The following NAV1 variants were observed in gnomAD, a reference collection of about 807,000 sequenced individuals.
The protein encoded by NAV1 is pore membrane and/or filament interacting like protein 3.
In NAV1, 18 loss-of-function variants were observed where a neutral mutation model predicts 175.2. The observed-to-expected ratio is 0.10, with a 90% confidence interval of 0.07 to 0.15. The LOEUF is 0.15. Among genes scored for constraint, NAV1 ranks in the 10% least tolerant of loss-of-function variants. The probability of loss-of-function intolerance (pLI) is 1.00; values close to 1 mark genes in which losing one functional copy is unlikely to be tolerated. For missense variants in NAV1, 1,731 were observed against 2,436.6 expected (o/e 0.71, Z 6.10); for synonymous variants, 897 against 978.7 (o/e 0.92, Z 1.56).
chr1:201,807,229 A>C lies in NAV1; in HGVS notation c.3649-724A>C, dbSNP rs1461233703. On this transcript the variant is annotated intron_variant, in intron 17 of 29. Coordinates refer to ENST00000367296, the Ensembl canonical transcript of NAV1. This position sits in a 1 kb window ranked among gnomAD's most constrained non-coding sequence, Gnocchi z 5.4. Reference sequence around the variant, plus strand: ...AAGTACTCTAAAGAAATGCTGGGAAATAGCCCTTCTTCTAGGACATTGGAA... The same window carrying C: ...AAGTACTCTAAAGAAATGCTGGGAACTAGCCCTTCTTCTAGGACATTGGAA... 1.3e-5 allele frequency among the ~76,000 whole-genome samples: 2 copies of C among 152,208 alleles called. No homozygotes were observed. The highest frequency in any genetic ancestry group is 2.9e-5 in the Non-Finnish European group (2 of 68,036).
At chr1:201,775,411 A>G (rs1002380989) in intron 3 of NAV1, among the ~76,000 whole-genome samples, 2 of 152,232 alleles carry the variant, frequency 1.3e-5, no homozygotes, top group Non-Finnish European at 2.9e-5. Context: ...AACCCATGAG[A>G]AAAAACTTAA....
chr1:201,721,051 T>C lies in NAV1; in HGVS notation c.1226+2296T>C, dbSNP rs146092101. Among the ~76,000 whole-genome samples the C allele has an allele frequency of 2.9e-3, 445 of 152,250 alleles. 4 individuals are homozygous for C. Among genetic ancestry groups the C allele is most frequent in the Non-Finnish European group, 3.5e-3 (239 of 68,006 alleles). On this transcript the variant is annotated intron_variant, in intron 3 of 29. Transcript: ENST00000367296. The stretch of plus-strand genomic sequence containing the variant: ...TATCCTCCTTCCTCTGGACAGGATG[T>C]GTGTTCCCGAATCCATTTTTTAAAA...
intron 3 of NAV1, among the ~76,000 whole-genome samples, chr1:201,747,941 C>T (rs1206457399): frequency 2.6e-5 from 4 of 152,174 alleles, no homozygotes; most frequent in African/African-American, 4.8e-5. Flanking sequence ...GAGCTCCTTA[C>T]GTCAACCCCA....
intron 2 of NAV1, among the ~76,000 whole-genome samples, chr1:201,605,951 G>T (rs563249967): frequency 3.3e-5 from 5 of 152,344 alleles, no homozygotes; most frequent in African/African-American, 1.2e-4. Context: ...TGCCTAGAGG[G>T]AGACTGCAGG....
intron 2 of NAV1, among the ~76,000 whole-genome samples, chr1:201,630,006 A>G (rs1421276750): frequency 6.6e-6 from 1 of 152,198 alleles, no homozygotes; most frequent in Non-Finnish European, 1.5e-5. Flanking sequence ...TGTGAGATTC[A>G]CCAGGAAGAT....
intron 7 of NAV1, among the ~76,000 whole-genome samples, chr1:201,784,502 C>T (rs556347635): frequency 1.3e-5 from 2 of 151,856 alleles, no homozygotes; most frequent in African/African-American, 2.4e-5. Flanking sequence ...TTTCCCCTCC[C>T]TTCCCCCTAT....
At chr1:201,793,376 TC>T (rs1677232485) in intron 13 of NAV1, 1 of 156,002 alleles carries the variant, frequency 6.4e-6, no homozygotes. Context: ...GATTATTTGG[TC>T]CCTTGGGGGC....
intron 2 of NAV1, among the ~76,000 whole-genome samples, chr1:201,616,836 G>A (rs1013413261): frequency 6.6e-6 from 1 of 152,122 alleles, no homozygotes; most frequent in African/African-American, 2.4e-5. Context: ...TACTTGTCAC[G>A]AGTGTGCATG....
chr1:201,670,689 T>A lies in NAV1; in HGVS notation c.757+21264T>A, dbSNP rs114772464. 4.6e-3 allele frequency among the ~76,000 whole-genome samples: 695 copies of A among 152,060 alleles called. 10 individuals carry two copies. The highest frequency in any genetic ancestry group is 0.015 in the African/African-American group (613 of 41,462). ...GTAATGCTTTCTTTGATGATGGTGG[T>A]AGAGATGCTGGTGGTGTCTCGGTAA... On this transcript the variant is annotated intron_variant, in intron 1 of 29. Transcript: ENST00000367296.
chr1:201,770,458 AG>A (rs1376691577), intron 3 of NAV1, among the ~76,000 whole-genome samples: 1 of 152,202 alleles, frequency 6.6e-6, no homozygotes, highest in Non-Finnish European at 1.5e-5. Context: ...AATTTATTGA[AG>A]GGAATCGTAT....
chr1:201,781,189 G>A, exon 5 of NAV1: 1 of 1,614,098 alleles, frequency 6.2e-7, no homozygotes, highest in Non-Finnish European at 8.5e-7. Context: ...ATCCAAGGGT[G>A]GAGAACTGAA....
intron 1 of NAV1, among the ~76,000 whole-genome samples, chr1:201,667,596 G>A (rs12045814): frequency 0.27 from 40,796 of 152,042 alleles, 5,847 homozygotes; most frequent in Admixed American, 0.4. Flanking sequence ...CAGTGGACCC[G>A]GGGAGGAGGA....
At chr1:201,567,958 C>T (rs1200751476) in intron 1 of NAV1, among the ~76,000 whole-genome samples, 2 of 152,146 alleles carry the variant, frequency 1.3e-5, no homozygotes, top group South Asian at 2.1e-4. Flanking sequence ...GGTGCTTTAA[C>T]CAGCTGTGTG....
intron 1 of NAV1, among the ~76,000 whole-genome samples, chr1:201,665,290 C>G (rs1309685585): frequency 1.3e-5 from 2 of 152,002 alleles, no homozygotes; most frequent in Admixed American, 6.6e-5. Context: ...CTGCTTCTGG[C>G]CTCTTTTCCG....
Position 201,718,731 on chromosome 1 carries a change from CGGA to C in NAV1, c.1206_1208del (p.Glu402del), listed in dbSNP as rs770854274. The C allele has an allele frequency of 2.5e-6, 4 of 1,611,866 alleles. No homozygotes were observed. The highest frequency in any genetic ancestry group is 2.5e-6 in the Non-Finnish European group (3 of 1,178,272). On this transcript the variant is annotated inframe_deletion, in exon 3 of 30. Coordinates refer to ENST00000367296, the Ensembl canonical transcript of NAV1. This position sits in a 1 kb window ranked among gnomAD's most constrained non-coding sequence, Gnocchi z 4.8. Reference sequence around the variant, plus strand: ...AGTGACCTCATGGGCAAGACCATGACGGAGGATGATGACATCACTACCGGGTAA... The same window carrying C: ...AGTGACCTCATGGGCAAGACCATGACGGATGATGACATCACTACCGGGTAA...
exon 16 of NAV1, chr1:201,803,688 G>A (rs770182028): frequency 3.1e-6 from 5 of 1,610,764 alleles, no homozygotes; most frequent in African/African-American, 1.4e-5. Flanking sequence ...GGATGCTGAT[G>A]CGAAAAAGAA....
At chr1:201,665,283 CT>C (rs1669774331) in intron 1 of NAV1, among the ~76,000 whole-genome samples, 1 of 152,020 alleles carries the variant, frequency 6.6e-6, no homozygotes, top group Non-Finnish European at 1.5e-5. Context: ...GCATTCTCTG[CT>C]TCTGGCCTCT....
In NAV1 at chr1:201,812,918, T is replaced by G. The variant is rs1272096168; in HGVS notation, c.5222-222T>G. On this transcript the variant is annotated intron_variant, in intron 27 of 29. Coordinates refer to ENST00000367296, the Ensembl canonical transcript of NAV1. The surrounding 1 kb of genome is among the most constrained non-coding windows in gnomAD (Gnocchi z 4.6). ...AAGGAGGCACATATGTAGGAAGGAATTAAACAGCTTTCCTCACTCCCTTAT... is the reference window on the plus strand; with the variant it reads ...AAGGAGGCACATATGTAGGAAGGAAGTAAACAGCTTTCCTCACTCCCTTAT... 1.3e-5 allele frequency among the ~76,000 whole-genome samples: 2 copies of G among 152,200 alleles called. No homozygotes were observed. Among genetic ancestry groups the G allele is most frequent in the Non-Finnish European group, 2.9e-5 (2 of 68,036 alleles).
chr1:201,618,337 A>G (rs143971972), upstream of NAV1, among the ~76,000 whole-genome samples: 1 of 152,308 alleles, frequency 6.6e-6, no homozygotes, highest in African/African-American at 2.4e-5. Context: ...TACCATGCTG[A>G]CCTACAGTAC....
Sources: allele counts gnomAD v4.1 joint callset (sites outside exome capture counted in the v4.1 genomes callset), GRCh38; gene constraint gnomAD v4.1.1; non-coding constraint Gnocchi (gnomAD v3.1); transcripts MANE v1.5; gene names NCBI Gene and HGNC (gene_info 2026-07-23, HGNC 2026-07-21).